Variants in ZNF148 observed in about 807,000 individuals in gnomAD.
The protein encoded by ZNF148 is zinc finger protein 148, also known as Beta-Enolase Repressor Factor-1.
A neutral mutation model predicts 67.7 loss-of-function variants in ZNF148; 7 were observed. The ratio of observed to expected loss-of-function variants is 0.10; its 90% CI spans 0.06 to 0.19. The LOEUF is 0.19. ZNF148 is among the 10% of genes least tolerant of loss of function. ZNF148 has a pLI of 1.00. For synonymous variants in ZNF148, 333 were observed against 330.7 expected, an observed-to-expected ratio of 1.01 and a Z score of -0.08; for missense variants, 583 against 947.1, an observed-to-expected ratio of 0.62 and a Z score of 5.05.
intron 5 of ZNF148, among the ~76,000 whole-genome samples, chr3:125,279,890 T>C (rs1205681962): frequency 1.3e-5 from 2 of 152,094 alleles, no homozygotes; most frequent in African/African-American, 4.8e-5. Flanking sequence ...ATAACCTTGA[T>C]TGTGATGGCT....
At position 125,259,605 on chromosome 3, in the gene ZNF148, G is replaced by A. The variant is rs1026775402; in HGVS notation, c.667+18121C>T. 2.0e-5 allele frequency among the ~76,000 whole-genome samples: 3 copies of A among 152,030 alleles called. No individual in the cohort carries two copies. The East Asian group carries it at 5.8e-4, about 29-fold the overall frequency. On this transcript the variant is annotated intron_variant, in intron 7 of 8. Coordinates refer to ENST00000360647, the MANE Select transcript of ZNF148 (RefSeq NM_021964.3). ...AAAGTTATGTTTACATTATACTATA[G>A]CCTATTAAGTGTAAAATAGCATTAC...
At chr3:125,347,756 C>G (rs1274990194) in intron 1 of ZNF148, among the ~76,000 whole-genome samples, 2 of 151,916 alleles carry the variant, frequency 1.3e-5, no homozygotes, top group Non-Finnish European at 2.9e-5. Flanking sequence ...GACTCGAACT[C>G]CTGGGCTCAA....
At chr3:125,296,175 G>A (rs1203714774) in intron 4 of ZNF148, among the ~76,000 whole-genome samples, 1 of 150,398 alleles carries the variant, frequency 6.6e-6, no homozygotes, top group Non-Finnish European at 1.5e-5. Context: ...AGACTGGAGT[G>A]CAGTGGTGCA....
intron 1 of ZNF148, among the ~76,000 whole-genome samples, chr3:125,352,347 A>C (rs1442035831): frequency 1.3e-5 from 2 of 152,190 alleles, no homozygotes; most frequent in Non-Finnish European, 2.9e-5. Context: ...GCAAAGTCCT[A>C]GAGACTGAAA....
intron 4 of ZNF148, among the ~76,000 whole-genome samples, chr3:125,304,527 G>A (rs190030939): frequency 6.6e-6 from 1 of 152,224 alleles, no homozygotes; most frequent in East Asian, 1.9e-4. Flanking sequence ...ACAAGCCTAG[G>A]AGCATCTGCA....
At chr3:125,356,984 C>G (rs1942363809) in intron 1 of ZNF148, 2 of 152,246 alleles carry the variant, frequency 1.3e-5, no homozygotes, top group Non-Finnish European at 1.5e-5. Context: ...GACCTTTTCA[C>G]AGACGTGAAA....
chr3:125,308,318 GA>G (rs924471681), intron 4 of ZNF148, among the ~76,000 whole-genome samples: 1 of 152,020 alleles, frequency 6.6e-6, no homozygotes, highest in African/African-American at 2.4e-5. Context: ...CCAAAACCAT[GA>G]AATACTTAAG....
chr3:125,255,057 C>T (rs952559721), intron 7 of ZNF148, among the ~76,000 whole-genome samples: 8 of 152,112 alleles, frequency 5.3e-5, no homozygotes, highest in South Asian at 2.1e-4. Context: ...ACCACTTCCA[C>T]GACAATACTA....
chr3:125,296,207 C>A (rs1022168519), intron 4 of ZNF148, among the ~76,000 whole-genome samples: 1 of 151,870 alleles, frequency 6.6e-6, no homozygotes, highest in Non-Finnish European at 1.5e-5. Context: ...CTGCAACCTC[C>A]GCCTCCCAAG....
intron 4 of ZNF148, among the ~76,000 whole-genome samples, chr3:125,305,399 T>G (rs9831954): frequency 0.78 from 118,589 of 152,222 alleles, 46,803 homozygotes; most frequent in African/African-American, 0.87. Flanking sequence ...ACAATTAAAT[T>G]CAACATGTAA....
At chr3:125,366,918 G>T (rs1042426673) in intron 1 of ZNF148, among the ~76,000 whole-genome samples, 1 of 151,834 alleles carries the variant, frequency 6.6e-6, no homozygotes, top group South Asian at 2.1e-4. Context: ...TCTGTCTCAG[G>T]TTTTCTCCTA....
intron 1 of ZNF148, among the ~76,000 whole-genome samples, chr3:125,367,702 A>G (rs1176754699): frequency 6.6e-6 from 1 of 152,162 alleles, no homozygotes; most frequent in African/African-American, 2.4e-5. Context: ...TGTCTATTCT[A>G]TTCCGTAATT....
At chr3:125,306,166 G>A (rs2107659096) in intron 4 of ZNF148, among the ~76,000 whole-genome samples, 2 of 152,250 alleles carry the variant, frequency 1.3e-5, no homozygotes, top group East Asian at 3.9e-4. Context: ...AAGCTATGCT[G>A]AGAAAAAAGT....
At chr3:125,353,773 A>C (rs1372232428) in intron 1 of ZNF148, among the ~76,000 whole-genome samples, 1 of 152,092 alleles carries the variant, frequency 6.6e-6, no homozygotes, top group Non-Finnish European at 1.5e-5. Context: ...AGTTTAAAAA[A>C]AAAAAAATTA....
At chr3:125,247,122 T>C (rs1441005573) in intron 7 of ZNF148, among the ~76,000 whole-genome samples, 1 of 152,184 alleles carries the variant, frequency 6.6e-6, no homozygotes, top group Non-Finnish European at 1.5e-5. Flanking sequence ...ACTAATGAAA[T>C]AATTAATTTT....
chr3:125,317,290 A>C (rs2107681697), intron 3 of ZNF148, among the ~76,000 whole-genome samples: 1 of 152,304 alleles, frequency 6.6e-6, no homozygotes, highest in Non-Finnish European at 1.5e-5. Flanking sequence ...GTTTTAAATA[A>C]GACAAAGTTT....
chr3:125,323,320 G>A lies in ZNF148; in HGVS notation c.-28C>T. 1.6e-6 allele frequency: 1 copy of A among 641,696 alleles called. No individual in the cohort carries two copies. The highest frequency in any genetic ancestry group is 2.8e-6 in the Non-Finnish European group (1 of 362,480). The allele number at this position is 641,696 out of a possible 1,614,324, so 39.8% of individuals were successfully genotyped here. The stretch of plus-strand genomic sequence containing the variant: ...AGTATTAAAATTACCCGAGACTAAG[G>A]TAAAAACGAAGACTTCAAGGAAAGG... On this transcript the variant is annotated 5_prime_UTR_variant, in exon 3 of 9. Transcript: ENST00000360647.
At chr3:125,236,404 G>T (rs1327394285) in intron 7 of ZNF148, among the ~76,000 whole-genome samples, 1 of 152,096 alleles carries the variant, frequency 6.6e-6, no homozygotes, top group Non-Finnish European at 1.5e-5. Flanking sequence ...GGCATAAATA[G>T]TGACCATTAC....
intron 1 of ZNF148, among the ~76,000 whole-genome samples, chr3:125,339,725 A>G (rs916306743): frequency 5.3e-5 from 8 of 152,264 alleles, no homozygotes; most frequent in African/African-American, 1.7e-4. Flanking sequence ...TGGATGCCCC[A>G]TAATCATATT....
Sources: gnomAD v4.1 joint callset for allele counts (sites outside exome capture counted in the v4.1 genomes callset) on GRCh38, gnomAD v4.1.1 for gene constraint, MANE v1.5 for transcripts, NCBI Gene and HGNC (gene_info 2026-07-23, HGNC 2026-07-21) for gene names.